CRYBG2: variants seen among roughly 807,000 people sequenced by gnomAD.
The protein encoded by CRYBG2 is crystallin beta-gamma domain containing 2.
CRYBG2 carries 106 observed loss-of-function variants against 153.4 expected under a neutral mutation model. The observed-to-expected ratio is 0.69, with a 90% CI of 0.59 to 0.81. The LOEUF is 0.81. CRYBG2 is among the 30% of genes least tolerant of loss of function. CRYBG2 has a pLI of 0.00. For synonymous variants in CRYBG2, 851 were observed against 877.8 expected (o/e 0.97, Z 0.54); for missense variants, 1,996 against 2,112.0 (o/e 0.95, Z 1.08).
chr1:26,328,857 G>A lies in CRYBG2; in HGVS notation c.4331C>T (p.Ser1444Phe), dbSNP rs781463321. ...GCACTCGAGTCCATACAGGAAAATG[G>A]AAGGCTCTGAAAAGTGCTGGGGCCC... ...QKVSLHFSEP[S>F]IFLYGLECFE... Residue 1444 changes from serine (S) to phenylalanine (F), a missense_variant, in exon 16 of 20, where the codon TCC becomes TTC. Transcript: ENST00000308182. The A allele has an allele frequency of 1.9e-6, 3 of 1,614,082 alleles. No individual in the cohort carries two copies. The highest frequency in any genetic ancestry group is 1.1e-5 in the South Asian group (1 of 91,076).
At position 26,346,644 on chromosome 1, in the gene CRYBG2, C is replaced by G. The variant is rs1356092817; in HGVS notation, c.14G>C (p.Gly5Ala). 17 of 1,542,696 alleles carry G rather than the reference C, an allele frequency of 1.1e-5. No individual in the cohort carries two copies. Among genetic ancestry groups the G allele is most frequent in the Non-Finnish European group, 1.4e-5 (16 of 1,141,870 alleles). Residue 5 changes from glycine to alanine, a missense_variant, in exon 2 of 20, where the codon GGT (glycine) becomes GCT (alanine). Gly to Ala is a moderately conservative substitution (Grantham distance 60). Transcript: ENST00000308182. This position sits in a 1 kb window ranked among gnomAD's most constrained non-coding sequence, Gnocchi z 4.9. The part of the protein sequence containing the change: MEEA[G>A]GPMARAKARV... Reference sequence around the variant, plus strand: ...GGCCTTGGCCCGGGCCATGGGCCCACCTGCCTCCTCCATGTGGGGCCCTGG... The same window carrying G: ...GGCCTTGGCCCGGGCCATGGGCCCAGCTGCCTCCTCCATGTGGGGCCCTGG...
chr1:26,328,991 G>A, intron 15 of CRYBG2, 118 bp from the exon 16 acceptor site: 2 of 1,268,896 alleles, frequency 1.6e-6, no homozygotes, highest in Non-Finnish European at 1.1e-6. Flanking sequence ...TCCCTCCTGA[G>A]CTCAGTTCTG....
chr1:26,351,148 C>T (rs1028129964), intron 1 of CRYBG2, among the ~76,000 whole-genome samples: 1 of 152,288 alleles, frequency 6.6e-6, no homozygotes, highest in Admixed American at 6.5e-5. Context: ...CAGTACACAG[C>T]CAGACACCAA....
chr1:26,327,170 C>G (rs573717071), intron 17 of CRYBG2: 1 of 238,754 alleles, frequency 4.2e-6, no homozygotes, highest in African/African-American at 2.2e-5. Flanking sequence ...CCCATCTCTA[C>G]TAAAAATACA....
At position 26,336,349 on chromosome 1, in the gene CRYBG2, A is replaced by C. The variant is rs1355072845; in HGVS notation, c.4060T>G (p.Phe1354Val). 1 of 1,613,580 alleles carries C rather than the reference A, an allele frequency of 6.2e-7. No homozygotes were observed. The highest frequency in any genetic ancestry group is 1.3e-5 in the African/African-American group (1 of 74,932). Reference protein sequence around the residue: ...VLQVGEHDLHFVSKIQLFSRP... With the variant: ...VLQVGEHDLHVVSKIQLFSRP... ...AGTCCCTGCCTTACCTTTGAGACGA[A>C]GTGCAGATCGTGCTCCCCGACCTGA... Residue 1354 changes from phenylalanine to valine, a missense_variant, in exon 13 of 20, where the codon TTC (phenylalanine) becomes GTC (valine). Transcript: ENST00000308182. The surrounding 1 kb of genome is among the most constrained non-coding windows in gnomAD (Gnocchi z 4.9).
Position 26,336,079 on chromosome 1 carries a change from C to T in CRYBG2, c.4184+16G>A, listed in dbSNP as rs1399056981. On this transcript the variant is annotated intron_variant, in intron 14 of 19. Coordinates refer to ENST00000308182, the MANE Select transcript of CRYBG2 (RefSeq NM_001039775.4). The surrounding 1 kb of genome is among the most constrained non-coding windows in gnomAD (Gnocchi z 4.9). The stretch of plus-strand genomic sequence containing the variant: ...TGCCCCAGCGCCCCCAGCCCTCCGC[C>T]CCTCCACGTTCTCACCTGCCGCCGT... The T allele has an allele frequency of 2.1e-6, 3 of 1,444,766 alleles. No individual in the cohort carries two copies. The highest frequency in any genetic ancestry group is 2.5e-5 in the East Asian group (1 of 39,414). The allele number at this position is 1,444,766 out of a possible 1,614,324, so 89.5% of individuals were successfully genotyped here.
In CRYBG2 at chr1:26,343,912, T is replaced by C. The variant is rs1372396616; in HGVS notation, c.2746A>G (p.Thr916Ala). Reference sequence around the variant, plus strand: ...TCCGGGGTGGAGGCCTCCTTGGCGGTAGGCACCAGACTGCCGAACAGAAGG... The same window carrying C: ...TCCGGGGTGGAGGCCTCCTTGGCGGCAGGCACCAGACTGCCGAACAGAAGG... ...GSLLFGSLVP[T>A]AKEASTPEPL... is the part of the protein sequence containing the mutation. Residue 916 changes from threonine to alanine, a missense_variant, in exon 2 of 20, where the codon ACC becomes GCC. By Grantham distance (58) the Thr-to-Ala change is moderately conservative. Transcript: ENST00000308182. This position sits in a 1 kb window ranked among gnomAD's most constrained non-coding sequence, Gnocchi z 4.1. The C allele has an allele frequency of 2.0e-6, 3 of 1,534,550 alleles. No individual in the cohort carries two copies. Among genetic ancestry groups the C allele is most frequent in the Admixed American group, 2.0e-5 (1 of 49,950 alleles).
Position 26,325,807 on chromosome 1 carries a change from G to A in CRYBG2, c.4579-1497C>T, listed in dbSNP as rs2073918149. ...ACTGATGTTCAGACATGCAGGCACG[G>A]ACATACAGAAACACATATGCAGGCA... On this transcript the variant is annotated intron_variant, in intron 17 of 19. Coordinates refer to ENST00000308182, the MANE Select transcript of CRYBG2 (RefSeq NM_001039775.4). This position sits in a 1 kb window ranked among gnomAD's most constrained non-coding sequence, Gnocchi z 4.1. Among the ~76,000 whole-genome samples, 1 of 152,160 alleles carries A rather than the reference G, an allele frequency of 6.6e-6. No homozygotes were observed. The highest frequency in any genetic ancestry group is 6.6e-5 in the Admixed American group (1 of 15,254).
chr1:26,336,764 G>A lies in CRYBG2; in HGVS notation c.3912-32C>T, dbSNP rs2074063458. On this transcript the variant is annotated intron_variant, in intron 11 of 19. Coordinates refer to ENST00000308182, the MANE Select transcript of CRYBG2 (RefSeq NM_001039775.4). This position sits in a 1 kb window ranked among gnomAD's most constrained non-coding sequence, Gnocchi z 4.9. ...GAAGGGCGGGGCGCGAGTCAGCTGG[G>A]ACGGAGCCTGCACCTCTCCTGGAAC... is the stretch of plus-strand genomic sequence containing the variant. 3.2e-6 allele frequency: 5 copies of A among 1,572,110 alleles called. No homozygotes were observed. The highest frequency in any genetic ancestry group is 4.3e-6 in the Non-Finnish European group (5 of 1,158,798).
chr1:26,340,355 G>A (rs989434437), intron 5 of CRYBG2, among the ~76,000 whole-genome samples: 4 of 152,196 alleles, frequency 2.6e-5, no homozygotes, highest in African/African-American at 9.6e-5. Context: ...GAGAAGTTAA[G>A]CAACCTGCCC....
chr1:26,344,932 A>T lies in CRYBG2; in HGVS notation c.1726T>A (p.Ser576Thr). The T allele has an allele frequency of 6.5e-7, 1 of 1,537,142 alleles. No homozygotes were observed. The highest frequency in any genetic ancestry group is 8.7e-7 in the Non-Finnish European group (1 of 1,148,636). ...VQGSGAPAAL[S>T]TTPKEVVKGP... The stretch of plus-strand genomic sequence containing the variant: ...TTCACAACCTCTTTTGGGGTGGTGG[A>T]CAAGGCAGCAGGAGCACCAGACCCC... Residue 576 changes from serine to threonine, a missense_variant, in exon 2 of 20, where the codon TCC becomes ACC. Transcript: ENST00000308182.
At position 26,336,323 on chromosome 1, in the gene CRYBG2, G is replaced by C; in HGVS notation, c.4071+15C>G. On this transcript the variant is annotated intron_variant, in intron 13 of 19. Transcript: ENST00000308182. This position sits in a 1 kb window ranked among gnomAD's most constrained non-coding sequence, Gnocchi z 4.9. ...GACGTGAGCCCAGCGGCTCCCTGCG[G>C]AGTCCCTGCCTTACCTTTGAGACGA... 1 of 1,613,306 alleles carries C rather than the reference G, an allele frequency of 6.2e-7. No individual in the cohort carries two copies. Among genetic ancestry groups the C allele is most frequent in the Non-Finnish European group, 8.5e-7 (1 of 1,179,606 alleles).
intron 1 of CRYBG2, among the ~76,000 whole-genome samples, chr1:26,347,284 GTTTTTTTTTT>G (rs1198055868): frequency 4.1e-5 from 3 of 73,876 alleles, no homozygotes; most frequent in East Asian, 4.7e-4. Flanking sequence ...CTCCCCCTGC[GTTTTTTTTTT>G]TTTTTTTTTT....
In CRYBG2 at chr1:26,344,093, G is replaced by T. The variant is rs1395688068; in HGVS notation, c.2565C>A (p.Ser855Arg). Residue 855 changes from serine (S) to arginine (R), a missense_variant, in exon 2 of 20, where the codon AGC becomes AGA. Ser to Arg is a moderately radical substitution (Grantham distance 110). Transcript: ENST00000308182. ...TGGCAGGGTGGAGGTCCCTGGAGGG[G>T]CTGGGCCCAGCTTTCTCCTGCCTGC... Reference protein sequence around the residue: ...LQRRQEKAGPSPSRDLHPARP... With the variant: ...LQRRQEKAGPRPSRDLHPARP... 6.5e-7 allele frequency: 1 copy of T among 1,536,126 alleles called. No homozygotes were observed. The highest frequency in any genetic ancestry group is 8.7e-7 in the Non-Finnish European group (1 of 1,146,904).
intron 17 of CRYBG2, among the ~76,000 whole-genome samples, chr1:26,326,044 A>G (rs2124691846): frequency 6.6e-6 from 1 of 152,064 alleles, no homozygotes; most frequent in East Asian, 1.9e-4. Flanking sequence ...ACAAGCCATC[A>G]CACCTAGCTC....
At position 26,337,379 on chromosome 1, in the gene CRYBG2, G is replaced by A. The variant is rs369676530; in HGVS notation, c.3645C>T (p.Cys1215=). The stretch of plus-strand genomic sequence containing the variant: ...AGCCCTCCTTCTCGTAGCCCACCCA[G>A]CTGGGAAAAGCAGGAGGACAGACAG... ...SVGSLRVLGG[C]WVGYEKEGFR... The change falls in exon 10 of 20, where the codon TGC becomes TGT. Residue 1215 remains cysteine (C), a splice_region_variant and synonymous_variant. Transcript: ENST00000308182. The A allele has an allele frequency of 1.9e-6, 3 of 1,613,120 alleles. No homozygotes were observed. The African/African-American group carries it at 4.0e-5, about 22-fold the overall frequency.
Position 26,328,775 on chromosome 1 carries a change from G to A in CRYBG2, c.4413C>T (p.Gly1471=), listed in dbSNP as rs150602858. The A allele has an allele frequency of 5.6e-6, 9 of 1,614,052 alleles. No homozygotes were observed. The highest frequency in any genetic ancestry group is 7.6e-6 in the Non-Finnish European group (9 of 1,180,000). The change falls in exon 16 of 20, where the codon GGC becomes GGT. Residue 1471 remains glycine (G), a synonymous_variant. Coordinates refer to ENST00000308182, the MANE Select transcript of CRYBG2 (RefSeq NM_001039775.4). ...GCACAGACAGCACATGGTTGTTGAA[G>A]CCCTCGGCTTGCAGGCTCCGCACCT... The part of the protein sequence containing the change: ...SREVRSLQAE[G]FNNHVLSVRI...
chr1:26,351,443 T>A (rs2074286264), intron 1 of CRYBG2, among the ~76,000 whole-genome samples: 1 of 152,194 alleles, frequency 6.6e-6, no homozygotes, highest in African/African-American at 2.4e-5. Context: ...TATCAAGGGA[T>A]GTGCTAGGCC....
rs1489942031 is a variant in CRYBG2 at position 26,328,822 on chromosome 1, T to G, written c.4366A>C (p.Lys1456Gln). 1 of 1,613,894 alleles carries G rather than the reference T, an allele frequency of 6.2e-7. No individual in the cohort carries two copies. The highest frequency in any genetic ancestry group is 1.7e-5 in the Admixed American group (1 of 59,964). ...FLYGLECFEG[K>Q]EIELSREVRS... is the part of the protein sequence containing the mutation. Reference sequence around the variant, plus strand: ...ACCTCCCTGCTGAGCTCGATCTCCTTCCCCTCGAAGCACTCGAGTCCATAC... The same window carrying G: ...ACCTCCCTGCTGAGCTCGATCTCCTGCCCCTCGAAGCACTCGAGTCCATAC... The change falls in exon 16 of 20, where the codon AAG becomes CAG. Residue 1456 changes from lysine to glutamine, a missense_variant. Transcript: ENST00000308182.
Sources: allele counts gnomAD v4.1 joint callset (sites outside exome capture counted in the v4.1 genomes callset), GRCh38; gene constraint gnomAD v4.1.1; non-coding constraint Gnocchi (gnomAD v3.1); transcripts MANE v1.5; gene names NCBI Gene and HGNC (gene_info 2026-07-23, HGNC 2026-07-21).